FBXL20: variants seen among roughly 807,000 people sequenced by gnomAD.
The protein encoded by FBXL20 is F-box and leucine rich repeat protein 20.
A neutral mutation model predicts 64.0 loss-of-function variants in FBXL20; 11 were observed. That is an observed-to-expected ratio of 0.17 (90% CI 0.11 to 0.28). FBXL20 has a LOEUF of 0.28. Ranked by LOEUF, FBXL20 falls within the 10% of genes least tolerant of loss-of-function variation. The pLI, the probability that FBXL20 is intolerant of heterozygous loss-of-function variation, is 1.00. For synonymous variants in FBXL20, 184 were observed against 189.0 expected (o/e 0.97, Z 0.22); for missense variants, 303 against 526.2 (o/e 0.58, Z 4.15).
rs192893451 is a variant in FBXL20, at chr17:39,350,801, C to T, written c.43-7560G>A. Among the ~76,000 whole-genome samples, 19 of 152,224 alleles carry T rather than the reference C, an allele frequency of 1.2e-4. No homozygotes were observed. The East Asian group carries it at 3.7e-3, about 29-fold the overall frequency. ...CAGGAGTATCAGCATCAACCCGGAACTTACAAGAATTGAAAATTCATAGGA... is the reference window on the plus strand; with the variant it reads ...CAGGAGTATCAGCATCAACCCGGAATTTACAAGAATTGAAAATTCATAGGA... On this transcript the variant is annotated intron_variant, in intron 1 of 14. Transcript: ENST00000264658.
intron 1 of FBXL20, among the ~76,000 whole-genome samples, chr17:39,396,464 C>G (rs1019808260): frequency 6.6e-6 from 1 of 151,736 alleles, no homozygotes; most frequent in Non-Finnish European, 1.5e-5. Flanking sequence ...TGCATGGTGG[C>G]GGGTGCCTGT....
chr17:39,285,762 A>G (rs540881806), intron 6 of FBXL20, among the ~76,000 whole-genome samples, 189 bp from the exon 7 acceptor site: 25 of 152,338 alleles, frequency 1.6e-4, no homozygotes, highest in African/African-American at 6.0e-4. Context: ...TTCACAAAGA[A>G]AAAAGGCTGT....
In FBXL20 at chr17:39,260,058, C is replaced by G. The variant is rs925189867; in HGVS notation, c.*1402G>C. The G allele has an allele frequency of 2.0e-5, 3 of 150,790 alleles. No individual in the cohort carries two copies. The highest frequency in any genetic ancestry group is 7.3e-5 in the African/African-American group (3 of 40,942). The allele number at this position is 150,790 out of a possible 1,614,324, so 9.3% of individuals were successfully genotyped here. On this transcript the variant is annotated 3_prime_UTR_variant, in exon 15 of 15. Transcript: ENST00000264658. ...GACAGGTTATGGGAAGGTTCTGGCCCTTTGGGGTGCCAACACTAGATATGA... is the reference window on the plus strand; with the variant it reads ...GACAGGTTATGGGAAGGTTCTGGCCGTTTGGGGTGCCAACACTAGATATGA...
At chr17:39,335,579 T>C (rs544173344) in intron 2 of FBXL20, among the ~76,000 whole-genome samples, 3 of 82,602 alleles carry the variant, frequency 3.6e-5, no homozygotes, top group African/African-American at 1.9e-4. Context: ...TGAGACTCCG[T>C]CTCAAAAAAA....
chr17:39,272,882 C>A (rs563929918), intron 10 of FBXL20, among the ~76,000 whole-genome samples: 13 of 152,184 alleles, frequency 8.5e-5, no homozygotes, highest in East Asian at 5.8e-4. Flanking sequence ...GAAGACTCCT[C>A]TCTCTACAGT....
At chr17:39,309,094 A>G (rs1480837638) in intron 2 of FBXL20, among the ~76,000 whole-genome samples, 3 of 152,212 alleles carry the variant, frequency 2.0e-5, no homozygotes, top group Admixed American at 6.5e-5. Context: ...AAGGGTCTAT[A>G]TGGCCAATCA....
chr17:39,296,594 T>C (rs896015316), intron 6 of FBXL20, among the ~76,000 whole-genome samples: 1 of 150,910 alleles, frequency 6.6e-6, no homozygotes, highest in Admixed American at 6.6e-5. Flanking sequence ...GAAATACTTA[T>C]TAGTAGAGTT....
At chr17:39,343,293 A>G in intron 1 of FBXL20, 52 bp from the exon 2 acceptor site, 1 of 1,317,784 alleles carries the variant, frequency 7.6e-7, no homozygotes, top group Non-Finnish European at 1.1e-6. Context: ...TTATTACAGA[A>G]TGTTCAACTC....
intron 1 of FBXL20, among the ~76,000 whole-genome samples, chr17:39,344,700 A>G (rs1042888575): frequency 6.6e-6 from 1 of 152,130 alleles, no homozygotes; most frequent in Non-Finnish European, 1.5e-5. Flanking sequence ...GAGGCATGAG[A>G]ATCACTTGAA....
In FBXL20 at chr17:39,280,378, G is replaced by A. The variant is rs987534910; in HGVS notation, c.696+1011C>T. 6.3e-5 allele frequency among the ~76,000 whole-genome samples: 9 copies of A among 143,434 alleles called. No homozygotes were observed. The East Asian group carries it at 1.6e-3, about 26-fold the overall frequency. The allele number at this position is 143,434 out of a possible 152,430, so 94.1% of individuals were successfully genotyped here. A position where few individuals can be genotyped will look rare whatever the true frequency, so the allele number is the denominator to read the frequency against. Reference sequence around the variant, plus strand: ...GATAGCGTCACTGCACTCTAGCCTGGGCGACACAGTGAGACTCTGTCTCAA... The same window carrying A: ...GATAGCGTCACTGCACTCTAGCCTGAGCGACACAGTGAGACTCTGTCTCAA... On this transcript the variant is annotated intron_variant, in intron 9 of 14. Transcript: ENST00000264658.
At chr17:39,395,149 G>A (rs1483705036) in intron 1 of FBXL20, among the ~76,000 whole-genome samples, 1 of 152,186 alleles carries the variant, frequency 6.6e-6, no homozygotes, top group Non-Finnish European at 1.5e-5. Flanking sequence ...TCTAGGCCGG[G>A]CGTGGTGGCT....
chr17:39,360,462 T>C (rs563240330), intron 1 of FBXL20, among the ~76,000 whole-genome samples: 3 of 152,324 alleles, frequency 2.0e-5, no homozygotes, highest in African/African-American at 7.2e-5. Context: ...ATTTTCAATA[T>C]TTGATGTGGT....
At chr17:39,322,596 G>A (rs1002555482) in intron 2 of FBXL20, among the ~76,000 whole-genome samples, 6 of 152,052 alleles carry the variant, frequency 3.9e-5, no homozygotes, top group African/African-American at 1.4e-4. Flanking sequence ...GAATACTCCC[G>A]TTTACCTTGT....
intron 1 of FBXL20, among the ~76,000 whole-genome samples, chr17:39,346,662 C>G (rs1259440267): frequency 6.6e-6 from 1 of 151,414 alleles, no homozygotes; most frequent in Non-Finnish European, 1.5e-5. Flanking sequence ...GTGCAACAAA[C>G]AGACTACTAG....
At chr17:39,371,892 C>T (rs2144636871) in intron 1 of FBXL20, among the ~76,000 whole-genome samples, 2 of 152,224 alleles carry the variant, frequency 1.3e-5, no homozygotes, top group South Asian at 4.1e-4. Context: ...GGAGAAAGTA[C>T]TGAGAGGGAA....
chr17:39,362,563 T>C (rs2047808055), intron 1 of FBXL20, among the ~76,000 whole-genome samples: 1 of 151,206 alleles, frequency 6.6e-6, no homozygotes, highest in Non-Finnish European at 1.5e-5. Flanking sequence ...CCTCAGGTGA[T>C]CCACCTGCCT....
At chr17:39,338,692 C>G (rs1010839515) in intron 2 of FBXL20, among the ~76,000 whole-genome samples, 1 of 152,090 alleles carries the variant, frequency 6.6e-6, no homozygotes, top group Non-Finnish European at 1.5e-5. Flanking sequence ...ATTAATATCA[C>G]CAGTAACAAG....
intron 2 of FBXL20, among the ~76,000 whole-genome samples, chr17:39,328,300 C>A: frequency 7.5e-6 from 1 of 133,702 alleles, no homozygotes; most frequent in African/African-American, 2.8e-5. Flanking sequence ...AAATACCATT[C>A]TCTACTAAAA....
intron 1 of FBXL20, among the ~76,000 whole-genome samples, chr17:39,395,942 T>A (rs1305619287): frequency 6.6e-6 from 1 of 150,500 alleles, no homozygotes; most frequent in South Asian, 2.1e-4. Context: ...CTGCAACTCA[T>A]CCCGGAGGCA....
Sources: allele counts gnomAD v4.1 joint callset (sites outside exome capture counted in the v4.1 genomes callset), GRCh38; gene constraint gnomAD v4.1.1; transcripts MANE v1.5; gene names NCBI Gene and HGNC (gene_info 2026-07-23, HGNC 2026-07-21).